The following PCDHA2 variants were observed in gnomAD, a reference collection of about 807,000 sequenced individuals.
PCDHA2 encodes the protein protocadherin alpha 2.
A neutral mutation model predicts 66.0 loss-of-function variants in PCDHA2; 58 were observed. The observed-to-expected ratio is 0.88, with a 90% CI of 0.71 to 1.09. PCDHA2 has a LOEUF of 1.09. Among genes scored for constraint, PCDHA2 ranks in the 50% least tolerant of loss-of-function variants. PCDHA2 has a pLI of 0.00. For synonymous variants in PCDHA2, 634 were observed against 554.0 expected (o/e 1.14, Z -2.03); for missense variants, 1,267 against 1,242.3 (o/e 1.02, Z -0.30).
At position 140,796,012 on chromosome 5, in the gene PCDHA2, G is replaced by A. The variant is rs1554119652; in HGVS notation, c.1048G>A (p.Val350Ile). The change falls in exon 1 of 4, where the codon GTC becomes ATC. Residue 350 changes from valine (V) to isoleucine (I), a missense_variant. Physicochemically the swap from Val to Ile is conservative, Grantham distance 29. Transcript: ENST00000526136. ...LVDINDNTPE[V>I]SITSLSLPIS... ...GGACATCAATGATAACACACCAGAA[G>A]TCTCAATAACGTCTCTCTCACTTCC... is the stretch of plus-strand genomic sequence containing the variant. 1.2e-6 allele frequency: 2 copies of A among 1,614,020 alleles called. No individual in the cohort carries two copies. Among genetic ancestry groups the A allele is most frequent in the African/African-American group, 2.7e-5 (2 of 74,922 alleles).
intron 1 of PCDHA2, among the ~76,000 whole-genome samples, chr5:140,953,094 C>A (rs2094845891): frequency 6.6e-6 from 1 of 152,172 alleles, no homozygotes; most frequent in South Asian, 2.1e-4. Flanking sequence ...TACAATTTGA[C>A]ATGAGATTTG....
At chr5:140,823,770 G>A (rs2150128966) in intron 1 of PCDHA2, 5 of 1,613,894 alleles carry the variant, frequency 3.1e-6, no homozygotes, top group East Asian at 4.5e-5. Flanking sequence ...CCACAGTGCT[G>A]GTGTCGCTGG....
intron 1 of PCDHA2, 119 bp from the exon 2 acceptor site, chr5:140,978,830 C>T: frequency 6.5e-7 from 1 of 1,535,340 alleles, no homozygotes; most frequent in Non-Finnish European, 8.8e-7. Context: ...TGAAATGGCT[C>T]ATTCAATACT....
chr5:140,883,905 G>A (rs781818160), intron 1 of PCDHA2: 2 of 1,613,458 alleles, frequency 1.2e-6, no homozygotes, highest in Non-Finnish European at 1.7e-6. Flanking sequence ...CCGCCTCTGG[G>A]CAGCAACGTG....
chr5:140,856,693 T>C (rs374352563), intron 1 of PCDHA2: 9 of 1,596,766 alleles, frequency 5.6e-6, no homozygotes, highest in African/African-American at 4.0e-5. Flanking sequence ...CAGCAACTGA[T>C]GGAGGCAAAC....
rs115463013 is a variant in PCDHA2, at chr5:140,809,401, G to C, written c.2388+12049G>C. ...GCGCGTGCGCTCCGGGCAAGCCCAC[G>C]CTGGTGTGCTCCAGTGCGGTGGGGA... is the stretch of plus-strand genomic sequence containing the variant. On this transcript the variant is annotated intron_variant, in intron 1 of 3. Coordinates refer to ENST00000526136, the MANE Select transcript of PCDHA2 (RefSeq NM_018905.3). 672 of 1,614,182 alleles carry C rather than the reference G, an allele frequency of 4.2e-4. 1 individual carries two copies. The African/African-American group carries it at 8.0e-3, about 19-fold the overall frequency.
intron 1 of PCDHA2, among the ~76,000 whole-genome samples, chr5:140,905,368 T>C (rs536118800): frequency 6.6e-6 from 1 of 152,218 alleles, no homozygotes; most frequent in African/African-American, 2.4e-5. Flanking sequence ...TATTTCTGGT[T>C]CTCTGTTCTG....
intron 1 of PCDHA2, among the ~76,000 whole-genome samples, chr5:140,940,668 C>T (rs1475667382): frequency 3.3e-5 from 5 of 152,166 alleles, no homozygotes; most frequent in African/African-American, 1.2e-4. Flanking sequence ...AAATCTTCAT[C>T]TGATAATTCC....
intron 1 of PCDHA2, chr5:140,834,227 A>G: frequency 1.4e-6 from 1 of 708,706 alleles, no homozygotes; most frequent in Non-Finnish European, 2.3e-6. Context: ...AGCAAAAGGA[A>G]GTCATTCCTT....
chr5:140,913,448 G>A (rs185287281), intron 1 of PCDHA2, among the ~76,000 whole-genome samples: 8 of 152,012 alleles, frequency 5.3e-5, no homozygotes, highest in African/African-American at 1.2e-4. Flanking sequence ...TTTCAGCTCC[G>A]ATTTTATTTA....
chr5:140,878,253 G>A lies in PCDHA2; in HGVS notation c.2388+80901G>A, dbSNP rs182369955. 2.6e-3 allele frequency among the ~76,000 whole-genome samples: 400 copies of A among 152,208 alleles called. 1 individual carries two copies. The highest frequency in any genetic ancestry group is 9.2e-3 in the African/African-American group (384 of 41,530). Reference sequence around the variant, plus strand: ...AATGGATTCTTTAACTCTTCCTCACGTGCTTAGGCTTTTAAAATAGCCTTC... The same window carrying A: ...AATGGATTCTTTAACTCTTCCTCACATGCTTAGGCTTTTAAAATAGCCTTC... On this transcript the variant is annotated intron_variant, in intron 1 of 3. Transcript: ENST00000526136.
chr5:140,852,172 A>T (rs2042256675), intron 1 of PCDHA2: 1 of 802,380 alleles, frequency 1.2e-6, no homozygotes, highest in South Asian at 5.6e-5. Context: ...GAGCCACAAA[A>T]ATAACTATGA....
At chr5:140,803,286 A>G in intron 1 of PCDHA2, 1 of 1,614,046 alleles carries the variant, frequency 6.2e-7, no homozygotes, top group Non-Finnish European at 8.5e-7. Context: ...GGTGGATGTC[A>G]ACGTGTACTT....
At chr5:140,853,588 A>G in intron 1 of PCDHA2, 1 of 986,058 alleles carries the variant, frequency 1.0e-6, no homozygotes, top group Non-Finnish European at 1.2e-6. Context: ...TATCTTAGAC[A>G]CTTTGAGAGC....
intron 1 of PCDHA2, chr5:140,850,751 G>A (rs2041804257): frequency 6.3e-7 from 1 of 1,597,836 alleles, no homozygotes; most frequent in Non-Finnish European, 8.6e-7. Flanking sequence ...CGTACTCGCA[G>A]CAGAGGAGGC....
chr5:140,881,398 A>G, intron 1 of PCDHA2: 1 of 975,546 alleles, frequency 1.0e-6, no homozygotes, highest in Non-Finnish European at 1.2e-6. Context: ...GTTAAATTCT[A>G]TTAAATCAAT....
intron 1 of PCDHA2, chr5:140,829,865 G>A: frequency 6.2e-7 from 1 of 1,613,946 alleles, no homozygotes; most frequent in Non-Finnish European, 8.5e-7. Context: ...CCAAGTGGTG[G>A]CGAAGGTGCG....
chr5:140,796,836 G>A lies in PCDHA2; in HGVS notation c.1872G>A (p.Val624=). Residue 624 remains valine (V), a synonymous_variant, in exon 1 of 4, where the codon GTG becomes GTA. Transcript: ENST00000526136. ...GCAGCGCTCGCATCCCGTTCCGCGT[G>A]GGGCTATACACGGGTGAGATCAGCA... ...GTGSARIPFR[V]GLYTGEISTT... 1.2e-6 allele frequency: 2 copies of A among 1,614,112 alleles called. No homozygotes were observed. The highest frequency in any genetic ancestry group is 2.2e-5 in the East Asian group (1 of 44,868).
chr5:140,823,757 C>T, intron 1 of PCDHA2: 1 of 1,613,910 alleles, frequency 6.2e-7, no homozygotes, highest in Middle Eastern at 1.6e-4. Flanking sequence ...CTGACAGCCA[C>T]AGCCACAGTG....
Sources: gnomAD v4.1 joint callset for allele counts (sites outside exome capture counted in the v4.1 genomes callset) on GRCh38, gnomAD v4.1.1 for gene constraint, MANE v1.5 for transcripts, NCBI Gene and HGNC (gene_info 2026-07-23, HGNC 2026-07-21) for gene names.